The following GALNT7 variants were observed in gnomAD, a reference collection of about 807,000 sequenced individuals.
GALNT7 encodes N-acetylgalactosaminyltransferase 7.
A neutral mutation model predicts 82.1 loss-of-function variants in GALNT7; 60 were observed. The observed-to-expected ratio is 0.73, with a 90% CI of 0.59 to 0.91. The LOEUF is 0.91. Ranked by LOEUF, GALNT7 falls within the 40% of genes least tolerant of loss-of-function variation. The pLI is 0.00. For missense variants in GALNT7, 660 were observed against 804.2 expected, an observed-to-expected ratio of 0.82 and a Z score of 2.17; for synonymous variants, 243 against 275.1, an observed-to-expected ratio of 0.88 and a Z score of 1.15.
At chr4:173,275,241 A>G (rs1191649287) in intron 2 of GALNT7, among the ~76,000 whole-genome samples, 1 of 152,190 alleles carries the variant, frequency 6.6e-6, no homozygotes, top group African/African-American at 2.4e-5. Context: ...AGGTTATAGT[A>G]GAGACTGCAA....
At chr4:173,276,233 G>A (rs965610324) in intron 2 of GALNT7, among the ~76,000 whole-genome samples, 8 of 152,172 alleles carry the variant, frequency 5.3e-5, no homozygotes, top group African/African-American at 1.7e-4. Flanking sequence ...CAACAAGTAT[G>A]TATTGAGTTT....
In GALNT7 at chr4:173,301,950, G is replaced by T. The variant is rs1024788403; in HGVS notation, c.1149-97G>T. 2.6e-5 allele frequency: 17 copies of T among 660,740 alleles called. No homozygotes were observed. In the African/African-American group the frequency reaches 3.0e-4, roughly 12 times the overall value. 40.9% of individuals were successfully genotyped at this position (660,740 alleles called of 1,614,324 possible). ...TGGCCATCAGTTTTGTCTCTTCTAT[G>T]CATTTTCAGGCTGTATTCTACAAGG... On this transcript the variant is annotated intron_variant, in intron 6 of 11. Transcript: ENST00000265000.
intron 1 of GALNT7, among the ~76,000 whole-genome samples, chr4:173,225,411 G>T (rs1733792991): frequency 6.6e-6 from 1 of 152,178 alleles, no homozygotes; most frequent in Admixed American, 6.5e-5. Context: ...CTACTGGCAT[G>T]AACAGTAACT....
intron 2 of GALNT7, among the ~76,000 whole-genome samples, chr4:173,287,088 C>G (rs1736349283): frequency 6.6e-6 from 1 of 152,136 alleles, no homozygotes; most frequent in South Asian, 2.1e-4. Context: ...AACTTTCTTC[C>G]CATATTAAGG....
intron 6 of GALNT7, among the ~76,000 whole-genome samples, chr4:173,301,779 A>G (rs1736948298): frequency 6.6e-6 from 1 of 152,238 alleles, no homozygotes. Flanking sequence ...CCACAGAGGT[A>G]CCAAGGCGCC....
At chr4:173,263,548 A>G (rs1055165846) in intron 2 of GALNT7, among the ~76,000 whole-genome samples, 2 of 152,220 alleles carry the variant, frequency 1.3e-5, no homozygotes, top group Non-Finnish European at 2.9e-5. Context: ...CTTAGGATTG[A>G]TGGATAAAAT....
rs183097899 is a variant in GALNT7 at position 173,314,427 on chromosome 4, C to T, written c.1608+251C>T. On this transcript the variant is annotated intron_variant, in intron 9 of 11. Coordinates refer to ENST00000265000, the MANE Select transcript of GALNT7 (RefSeq NM_017423.3). The stretch of plus-strand genomic sequence containing the variant: ...ATCCACTCTTCACTCCAGCTCCTGG[C>T]GCCTCCATGCCTCTTACTCCAACTC... Among the ~76,000 whole-genome samples the T allele has an allele frequency of 1.9e-3, 291 of 152,276 alleles. 1 individual carries two copies. Among genetic ancestry groups the T allele is most frequent in the Non-Finnish European group, 1.8e-3 (123 of 68,026 alleles).
intron 1 of GALNT7, among the ~76,000 whole-genome samples, chr4:173,176,572 A>G (rs1579877857): frequency 6.6e-6 from 1 of 152,236 alleles, no homozygotes; most frequent in African/African-American, 2.4e-5. Context: ...CAAGTAAACA[A>G]TTGTGCTGGG....
At chr4:173,228,682 A>G (rs1733920810) in intron 1 of GALNT7, among the ~76,000 whole-genome samples, 1 of 151,814 alleles carries the variant, frequency 6.6e-6, no homozygotes, top group African/African-American at 2.4e-5. Context: ...AGATGGCTTT[A>G]CAAAAAAAAC....
intron 2 of GALNT7, among the ~76,000 whole-genome samples, chr4:173,291,465 G>C (rs756995052): frequency 5.3e-5 from 8 of 152,024 alleles, no homozygotes; most frequent in Non-Finnish European, 1.0e-4. Context: ...TCCCTGTTTG[G>C]GGTTTCTTCT....
At chr4:173,290,685 A>G (rs1277755253) in intron 2 of GALNT7, among the ~76,000 whole-genome samples, 2 of 152,236 alleles carry the variant, frequency 1.3e-5, no homozygotes, top group African/African-American at 4.8e-5. Context: ...CAAACTATGC[A>G]TTACTTTGTA....
intron 1 of GALNT7, among the ~76,000 whole-genome samples, chr4:173,224,998 G>A (rs888621629): frequency 2.0e-5 from 3 of 147,666 alleles, no homozygotes; most frequent in African/African-American, 7.6e-5. Context: ...CTGGACGACA[G>A]AGCGAGACTC....
At chr4:173,205,602 A>G (rs1336705018) in intron 1 of GALNT7, among the ~76,000 whole-genome samples, 1 of 152,144 alleles carries the variant, frequency 6.6e-6, no homozygotes, top group African/African-American at 2.4e-5. Context: ...CAGAGTTGCC[A>G]GCCTGGTGCC....
intron 1 of GALNT7, among the ~76,000 whole-genome samples, chr4:173,172,032 G>A (rs547924103): frequency 6.6e-6 from 1 of 152,318 alleles, no homozygotes; most frequent in Admixed American, 6.5e-5. Flanking sequence ...TATTGGAGGG[G>A]CATAAGGCAG....
intron 1 of GALNT7, among the ~76,000 whole-genome samples, chr4:173,229,707 AT>A (rs1441786919): frequency 6.6e-6 from 1 of 152,146 alleles, no homozygotes; most frequent in Non-Finnish European, 1.5e-5. Context: ...AGAGATACGT[AT>A]GATGCAGGCA....
At chr4:173,228,784 G>A (rs1210998040) in intron 1 of GALNT7, among the ~76,000 whole-genome samples, 1 of 152,186 alleles carries the variant, frequency 6.6e-6, no homozygotes, top group African/African-American at 2.4e-5. Flanking sequence ...CCACTGGTAT[G>A]TTTATGAAAA....
At chr4:173,262,422 A>G (rs2126768648) in intron 2 of GALNT7, among the ~76,000 whole-genome samples, 1 of 152,340 alleles carries the variant, frequency 6.6e-6, no homozygotes, top group East Asian at 1.9e-4. Context: ...TCTTTTAAAT[A>G]TTGACAATTT....
At chr4:173,188,172 T>C (rs1488381035) in intron 1 of GALNT7, among the ~76,000 whole-genome samples, 2 of 152,362 alleles carry the variant, frequency 1.3e-5, no homozygotes, top group East Asian at 3.9e-4. Flanking sequence ...ATGTTTACAT[T>C]CTTAATTTAA....
intron 1 of GALNT7, among the ~76,000 whole-genome samples, chr4:173,222,944 G>A (rs1733690307): frequency 6.6e-6 from 1 of 152,092 alleles, no homozygotes; most frequent in African/African-American, 2.4e-5. Flanking sequence ...TAAGGTTAGA[G>A]GTTAGACTGC....
Sources: gnomAD v4.1 joint callset for allele counts (sites outside exome capture counted in the v4.1 genomes callset) on GRCh38, gnomAD v4.1.1 for gene constraint, MANE v1.5 for transcripts, NCBI Gene and HGNC (gene_info 2026-07-23, HGNC 2026-07-21) for gene names.